Variants in NDST3 observed in about 807,000 individuals in gnomAD.
NDST3 encodes the protein N-deacetylase and N-sulfotransferase 3, also known as bifunctional heparan sulfate N-deacetylase/N-sulfotransferase 3.
A neutral mutation model predicts 96.1 loss-of-function variants in NDST3; 58 were observed. The ratio of observed to expected loss-of-function variants is 0.60; its 90% confidence interval spans 0.49 to 0.75. The LOEUF (loss-of-function observed/expected upper bound fraction) is 0.75, where lower values mean the gene tolerates loss of function less well. Ranked by LOEUF, NDST3 falls within the 30% of genes least tolerant of loss-of-function variation. The pLI is 0.00. For missense variants in NDST3, 788 were observed against 1,034.2 expected (o/e 0.76, Z 3.27); for synonymous variants, 333 against 359.7 (o/e 0.93, Z 0.84).
intron 5 of NDST3, among the ~76,000 whole-genome samples, chr4:118,139,429 A>G (rs1036680254): frequency 2.0e-5 from 3 of 152,204 alleles, no homozygotes; most frequent in African/African-American, 4.8e-5. Context: ...GTGGAAACCT[A>G]TATTTGGCTT....
intron 6 of NDST3, among the ~76,000 whole-genome samples, chr4:118,212,725 T>A (rs935243427): frequency 1.3e-5 from 2 of 152,096 alleles, no homozygotes; most frequent in Non-Finnish European, 2.9e-5. Context: ...GGCTGACTTA[T>A]TTTTTCTATA....
At chr4:118,050,903 G>A (rs548621557) in intron 1 of NDST3, among the ~76,000 whole-genome samples, 4 of 152,062 alleles carry the variant, frequency 2.6e-5, no homozygotes, top group East Asian at 1.9e-4. Flanking sequence ...AAAAGAGCCC[G>A]AATAGCCAAA....
At chr4:118,237,576 C>T (rs1239051496) in intron 10 of NDST3, among the ~76,000 whole-genome samples, 1 of 151,982 alleles carries the variant, frequency 6.6e-6, no homozygotes, top group Non-Finnish European at 1.5e-5. Flanking sequence ...TACTTGTGTA[C>T]TCTATAAAGA....
At chr4:118,210,257 T>C (rs1460902809) in intron 6 of NDST3, among the ~76,000 whole-genome samples, 1 of 152,056 alleles carries the variant, frequency 6.6e-6, no homozygotes, top group East Asian at 1.9e-4. Flanking sequence ...ATCAGAGAGC[T>C]TAAGAGGTGT....
At chr4:118,240,752 C>A in intron 11 of NDST3, 58 bp downstream of exon 11, 1 of 1,474,900 alleles carries the variant, frequency 6.8e-7, no homozygotes, top group South Asian at 1.4e-5. Context: ...ATGACTTTGC[C>A]TTAAGGTTAA....
intron 2 of NDST3, among the ~76,000 whole-genome samples, chr4:118,104,765 A>G (rs1023081341): frequency 3.3e-5 from 5 of 152,092 alleles, no homozygotes; most frequent in African/African-American, 1.2e-4. Flanking sequence ...AACTCTTTTC[A>G]TTTAACTTCC....
chr4:118,114,953 T>C lies in NDST3; in HGVS notation c.1217T>C (p.Phe406Ser). Reference protein sequence around the residue: ...LVEQMILNKKFALEHGIPTDM... With the variant: ...LVEQMILNKKSALEHGIPTDM... ...GAGCAGATGATTCTCAACAAAAAATTTGCCTTAGTAAGTAACTCACTTTGT... is the reference window on the plus strand; with the variant it reads ...GAGCAGATGATTCTCAACAAAAAATCTGCCTTAGTAAGTAACTCACTTTGT... The change falls in exon 4 of 14, where the codon TTT becomes TCT. Residue 406 changes from phenylalanine to serine, a missense_variant. By Grantham distance (155) the Phe-to-Ser change is radical. Transcript: ENST00000296499. 6.2e-7 allele frequency: 1 copy of C among 1,614,062 alleles called. No individual in the cohort carries two copies. Among genetic ancestry groups the C allele is most frequent in the Non-Finnish European group, 8.5e-7 (1 of 1,179,946 alleles).
intron 6 of NDST3, among the ~76,000 whole-genome samples, chr4:118,151,637 G>T (rs184455531): frequency 1.0e-3 from 158 of 152,032 alleles, no homozygotes; most frequent in African/African-American, 3.5e-3. Flanking sequence ...AGTAATTTTG[G>T]TAATCAAAGA....
rs1287745992 is a variant in NDST3, at chr4:118,158,694, C to T, written c.1539+15010C>T. On this transcript the variant is annotated intron_variant, in intron 6 of 13. Transcript: ENST00000296499. Reference sequence around the variant, plus strand: ...AAATCATTCTTCACAATAGAGAAATCTGACAGTTTCTTACTGTACCCAAGT... The same window carrying T: ...AAATCATTCTTCACAATAGAGAAATTTGACAGTTTCTTACTGTACCCAAGT... Among the ~76,000 whole-genome samples the T allele has an allele frequency of 3.9e-5, 6 of 152,300 alleles. No individual in the cohort carries two copies. In the East Asian group the frequency reaches 1.2e-3, roughly 29 times the overall value.
At chr4:118,237,474 A>G (rs1740718178) in intron 10 of NDST3, among the ~76,000 whole-genome samples, 1 of 152,192 alleles carries the variant, frequency 6.6e-6, no homozygotes, top group South Asian at 2.1e-4. Flanking sequence ...CTAAATTAAA[A>G]TATAACAAAA....
chr4:118,161,790 C>CT (rs1735162616), intron 6 of NDST3, among the ~76,000 whole-genome samples: 1 of 152,156 alleles, frequency 6.6e-6, no homozygotes, highest in Non-Finnish European at 1.5e-5. Flanking sequence ...CTTTCTTTGA[C>CT]TAGGAAAGGG....
At chr4:118,064,071 G>C (rs769748385) in intron 2 of NDST3, among the ~76,000 whole-genome samples, 11 of 152,136 alleles carry the variant, frequency 7.2e-5, no homozygotes, top group Non-Finnish European at 1.3e-4. Context: ...AATGTCTTGG[G>C]CTGAAATAAA....
intron 2 of NDST3, among the ~76,000 whole-genome samples, chr4:118,089,533 A>G (rs1481749515): frequency 2.6e-4 from 40 of 151,940 alleles, no homozygotes; most frequent in Admixed American, 2.0e-3. Context: ...CAAAATTTAA[A>G]TCAAACCTAC....
chr4:118,097,352 T>C (rs1195556643), intron 2 of NDST3, among the ~76,000 whole-genome samples: 2 of 152,016 alleles, frequency 1.3e-5, no homozygotes, highest in African/African-American at 4.8e-5. Context: ...AGCTGAATTA[T>C]TTCCTTACTG....
intron 6 of NDST3, among the ~76,000 whole-genome samples, chr4:118,213,806 C>T (rs530861472): frequency 6.6e-6 from 1 of 150,988 alleles, no homozygotes; most frequent in South Asian, 2.1e-4. Context: ...TCTTTTTTGA[C>T]ATTTTCTGTT....
intron 12 of NDST3, among the ~76,000 whole-genome samples, chr4:118,253,187 G>A (rs1741867469): frequency 6.6e-6 from 1 of 152,070 alleles, no homozygotes; most frequent in Admixed American, 6.5e-5. Flanking sequence ...GAATATTTAT[G>A]CATTTTTTCC....
chr4:118,078,536 G>C (rs114445593), intron 2 of NDST3, among the ~76,000 whole-genome samples: 1 of 152,168 alleles, frequency 6.6e-6, no homozygotes, highest in East Asian at 1.9e-4. Context: ...TGGATCACGA[G>C]GGTCAGGAGC....
chr4:118,174,456 G>C (rs1736151235), intron 6 of NDST3, among the ~76,000 whole-genome samples: 1 of 152,076 alleles, frequency 6.6e-6, no homozygotes, highest in Non-Finnish European at 1.5e-5. Context: ...ACATTATTTT[G>C]TTCAAAATTT....
intron 2 of NDST3, among the ~76,000 whole-genome samples, chr4:118,091,220 T>C (rs1463748720): frequency 6.6e-6 from 1 of 151,612 alleles, no homozygotes; most frequent in Non-Finnish European, 1.5e-5. Flanking sequence ...ATGAAATAAT[T>C]TGTACCCCAT....
Sources: gnomAD v4.1 joint callset for allele counts (sites outside exome capture counted in the v4.1 genomes callset) on GRCh38, gnomAD v4.1.1 for gene constraint, MANE v1.5 for transcripts, NCBI Gene and HGNC (gene_info 2026-07-23, HGNC 2026-07-21) for gene names.